Variants in ANK3 observed in about 807,000 individuals in gnomAD.
ANK3 encodes ankyrin 3.
ANK3 carries 57 observed loss-of-function variants against 370.9 expected under a neutral mutation model. The observed-to-expected ratio is 0.15, with a 90% CI of 0.12 to 0.19. The LOEUF (loss-of-function observed/expected upper bound fraction) is 0.19. ANK3 is among the 10% of genes least tolerant of loss of function. The probability of loss-of-function intolerance (pLI) is 1.00; values close to 1 mark genes in which losing one functional copy is unlikely to be tolerated. For missense variants in ANK3, 4,439 were observed against 5,302.1 expected (o/e 0.84, Z 5.06); for synonymous variants, 1,929 against 1,946.3 (o/e 0.99, Z 0.23).
intron 7 of ANK3, among the ~76,000 whole-genome samples, chr10:60,235,251 CT>C: frequency 6.6e-6 from 1 of 152,294 alleles, no homozygotes; most frequent in African/African-American, 2.4e-5. Flanking sequence ...ACAATAGGAA[CT>C]CAAACTGGAA....
At chr10:60,338,554 C>T (rs986690322) in intron 1 of ANK3, among the ~76,000 whole-genome samples, 2 of 152,108 alleles carry the variant, frequency 1.3e-5, no homozygotes, top group African/African-American at 4.8e-5. Flanking sequence ...AGGACACGTG[C>T]ATGGTATGTC....
At position 60,072,981 on chromosome 10, in the gene ANK3, C is replaced by A. The variant is rs780490579; in HGVS notation, c.7900G>T (p.Val2634Leu). The change falls in exon 37 of 44, where the codon GTG (valine) becomes TTG (leucine). Residue 2634 changes from valine (V) to leucine (L), a missense_variant. Physicochemically the swap from Val to Leu is conservative, Grantham distance 32. This residue lies in a region of ANK3 where 1,601 missense variants were observed against 1,731.7 expected (regional missense o/e 0.92). Coordinates refer to ENST00000280772, the MANE Select transcript of ANK3 (RefSeq NM_020987.5). ...QSPTSSSPEK[V>L]LLTELLASND... ...GATGCCAGCAGTTCTGTCAGTAGCA[C>A]TTTCTCAGGGCTGCTACTGGTAGGG... The A allele has an allele frequency of 9.9e-6, 16 of 1,614,120 alleles. No homozygotes were observed. The highest frequency in any genetic ancestry group is 1.4e-5 in the Non-Finnish European group (16 of 1,180,000).
chr10:60,219,880 A>C (rs2097012437), intron 8 of ANK3, among the ~76,000 whole-genome samples: 1 of 152,230 alleles, frequency 6.6e-6, no homozygotes, highest in African/African-American at 2.4e-5. Context: ...AATAGTATTA[A>C]TGTTATTTAA....
intron 1 of ANK3, among the ~76,000 whole-genome samples, chr10:60,354,188 C>T (rs958370632): frequency 3.3e-5 from 5 of 152,306 alleles, no homozygotes; most frequent in Admixed American, 1.3e-4. Flanking sequence ...CGATTCTTCC[C>T]TTCCCCCAAG....
chr10:60,301,123 G>GATATATATATAT (rs34302629), intron 1 of ANK3, among the ~76,000 whole-genome samples: 128 of 135,202 alleles, frequency 9.5e-4, no homozygotes, highest in African/African-American at 3.3e-3. Context: ...GAATACTTCC[G>GATATATATATAT]ATATATATAT....
At chr10:60,264,042 A>G (rs770803812) in intron 5 of ANK3, 22 bp from the exon 6 acceptor site, 8 of 1,595,306 alleles carry the variant, frequency 5.0e-6, no homozygotes, top group Non-Finnish European at 6.9e-6. Flanking sequence ...TGGATGGGTC[A>G]AGATGGGCTC....
chr10:60,207,885 C>CT (rs1351328323), intron 10 of ANK3, 151 bp downstream of exon 10: 1 of 708,630 alleles, frequency 1.4e-6, no homozygotes, highest in East Asian at 2.7e-5. Context: ...ATTTTGTAGA[C>CT]TTTCCTGAAG....
At chr10:60,352,953 A>C (rs2057124367) in intron 1 of ANK3, among the ~76,000 whole-genome samples, 1 of 151,988 alleles carries the variant, frequency 6.6e-6, no homozygotes, top group Non-Finnish European at 1.5e-5. Flanking sequence ...GAATATGAAG[A>C]AACAAATGAA....
At chr10:60,271,707 A>G (rs2097989066) in intron 4 of ANK3, among the ~76,000 whole-genome samples, 1 of 152,094 alleles carries the variant, frequency 6.6e-6, no homozygotes, top group African/African-American at 2.4e-5. Flanking sequence ...TGATCACCTT[A>G]CTTATCCATA....
At chr10:60,264,664 G>T (rs963780017) in intron 5 of ANK3, among the ~76,000 whole-genome samples, 3 of 151,800 alleles carry the variant, frequency 2.0e-5, no homozygotes, top group African/African-American at 7.3e-5. Flanking sequence ...AAAAATCTCA[G>T]GCTAAATCCA....
chr10:60,535,218 G>A (rs916349608), intron 2 of ANK3, among the ~76,000 whole-genome samples: 1 of 152,102 alleles, frequency 6.6e-6, no homozygotes, highest in African/African-American at 2.4e-5. Context: ...CGGTTTCACA[G>A]TCACTCAGTA....
intron 2 of ANK3, among the ~76,000 whole-genome samples, chr10:60,492,769 G>A (rs1366932030): frequency 1.4e-5 from 2 of 147,600 alleles, no homozygotes; most frequent in Non-Finnish European, 3.0e-5. Flanking sequence ...GCGTGTTTGG[G>A]GGAAAATAAT....
At chr10:60,613,167 G>A (rs563312257) in intron 2 of ANK3, among the ~76,000 whole-genome samples, 3 of 152,016 alleles carry the variant, frequency 2.0e-5, no homozygotes, top group Non-Finnish European at 4.4e-5. Flanking sequence ...TCTAAAAATT[G>A]TATTAATTAT....
chr10:60,243,579 A>G (rs1251793831), intron 7 of ANK3, among the ~76,000 whole-genome samples: 24 of 152,228 alleles, frequency 1.6e-4, no homozygotes, highest in Admixed American at 1.6e-3. Context: ...ATTCTGTTAT[A>G]GCAACAAAAA....
At chr10:60,050,454 G>C (rs1323444077) in intron 42 of ANK3, among the ~76,000 whole-genome samples, 2 of 152,166 alleles carry the variant, frequency 1.3e-5, no homozygotes. Context: ...GGACACCTGT[G>C]CCAACTTCTG....
chr10:60,573,269 C>G (rs1435232769), intron 2 of ANK3, among the ~76,000 whole-genome samples: 1 of 151,894 alleles, frequency 6.6e-6, no homozygotes, highest in Non-Finnish European at 1.5e-5. Flanking sequence ...CCAATCTTCA[C>G]CTAAGGATTT....
intron 2 of ANK3, among the ~76,000 whole-genome samples, chr10:60,529,627 C>A (rs906441105): frequency 6.6e-6 from 1 of 151,890 alleles, no homozygotes; most frequent in East Asian, 1.9e-4. Context: ...ATGCTCTGAA[C>A]GAAGATTTAT....
At chr10:60,587,207 C>T (rs2077844453) in intron 2 of ANK3, among the ~76,000 whole-genome samples, 1 of 152,086 alleles carries the variant, frequency 6.6e-6, no homozygotes, top group Non-Finnish European at 1.5e-5. Context: ...AAGAGAACAG[C>T]ATGGGGGAAA....
chr10:60,545,481 T>C (rs1312815275), intron 2 of ANK3, among the ~76,000 whole-genome samples: 3 of 151,970 alleles, frequency 2.0e-5, no homozygotes, highest in African/African-American at 7.2e-5. Context: ...ATAGAGTTTC[T>C]AGTCAATTTT....
Sources: allele counts gnomAD v4.1 joint callset (sites outside exome capture counted in the v4.1 genomes callset), GRCh38; gene constraint gnomAD v4.1.1; regional missense constraint gnomAD v4.1.1; transcripts MANE v1.5; gene names NCBI Gene and HGNC (gene_info 2026-07-23, HGNC 2026-07-21).